Variants in ACOX3 observed in about 807,000 individuals in gnomAD.
The protein encoded by ACOX3 is peroxisomal acyl-coenzyme A oxidase 3.
Under a neutral mutation model 81.5 loss-of-function variants are expected in ACOX3, and 73 were observed. That is an observed-to-expected ratio of 0.90 (90% CI 0.74 to 1.09). ACOX3 has a LOEUF of 1.09. Ranked by LOEUF, ACOX3 falls within the 50% of genes least tolerant of loss-of-function variation. The pLI, the probability that ACOX3 is intolerant of heterozygous loss-of-function variation, is 0.00. For missense variants in ACOX3, 947 were observed against 928.0 expected (o/e 1.02, Z -0.27); for synonymous variants, 387 against 375.1 (o/e 1.03, Z -0.37).
At chr4:8,435,357 G>C (rs565413003) in intron 1 of ACOX3, among the ~76,000 whole-genome samples, 5 of 152,214 alleles carry the variant, frequency 3.3e-5, no homozygotes, top group African/African-American at 1.2e-4. Flanking sequence ...TTAGCCAGGC[G>C]TGCTGGCGGG....
In ACOX3 at chr4:8,381,652, A is replaced by G; in HGVS notation, c.1538-45T>C. The G allele has an allele frequency of 6.8e-7, 1 of 1,460,672 alleles. No individual in the cohort carries two copies. 90.5% of individuals were successfully genotyped at this position (1,460,672 alleles called of 1,614,324 possible). ...AGGAGAAAAAGTAACAATAGAGAACACAGCATTTGTCACAACTCACCCCCA... is the reference window on the plus strand; with the variant it reads ...AGGAGAAAAAGTAACAATAGAGAACGCAGCATTTGTCACAACTCACCCCCA... On this transcript the variant is annotated intron_variant, in intron 13 of 17. Coordinates refer to ENST00000356406, the MANE Select transcript of ACOX3 (RefSeq NM_003501.3). The surrounding 1 kb of genome is among the most constrained non-coding windows in gnomAD (Gnocchi z 4.3).
At position 8,400,312 on chromosome 4, in the gene ACOX3, C is replaced by T. The variant is rs1720237469; in HGVS notation, c.777-660G>A. Among the ~76,000 whole-genome samples the T allele has an allele frequency of 2.0e-5, 3 of 151,862 alleles. No individual in the cohort carries two copies. The highest frequency in any genetic ancestry group is 6.6e-5 in the Admixed American group (1 of 15,240). ...AGCATTGTGTATATGGTAAGTTGTA[C>T]TCCAAGTACAGAACTCCAGATATTC... On this transcript the variant is annotated intron_variant, in intron 7 of 17. Transcript: ENST00000356406. This position sits in a 1 kb window ranked among gnomAD's most constrained non-coding sequence, Gnocchi z 4.4.
intron 16 of ACOX3, among the ~76,000 whole-genome samples, chr4:8,372,012 C>T (rs771603559): frequency 6.6e-6 from 1 of 152,230 alleles, no homozygotes; most frequent in Non-Finnish European, 1.5e-5. Flanking sequence ...ACCTTGGCCT[C>T]CCCAAGACAG....
At chr4:8,403,974 G>C (rs1720648334) in intron 7 of ACOX3, among the ~76,000 whole-genome samples, 1 of 152,212 alleles carries the variant, frequency 6.6e-6, no homozygotes, top group South Asian at 2.1e-4. Flanking sequence ...CAGTAGATGG[G>C]TAACAGTGCC....
intron 1 of ACOX3, among the ~76,000 whole-genome samples, chr4:8,421,140 G>A (rs761585011): frequency 7.9e-5 from 12 of 152,214 alleles, no homozygotes; most frequent in Non-Finnish European, 1.5e-4. Context: ...TGCTGGGCTC[G>A]TATGGGGATT....
At chr4:8,427,042 A>C (rs959941962) in intron 1 of ACOX3, among the ~76,000 whole-genome samples, 1 of 152,172 alleles carries the variant, frequency 6.6e-6, no homozygotes, top group Non-Finnish European at 1.5e-5. Flanking sequence ...GACTAGCTGG[A>C]CTTCCTAGGC....
Position 8,394,603 on chromosome 4 carries a change from A to G in ACOX3, c.1179+17T>C. ...GAGATTTAAACGATGCTGCTGAGGA[A>G]GCAGACACCACCTCACCTGTCTGGC... On this transcript the variant is annotated intron_variant, in intron 10 of 17. Transcript: ENST00000356406. This position sits in a 1 kb window ranked among gnomAD's most constrained non-coding sequence, Gnocchi z 5.9. The G allele has an allele frequency of 1.2e-6, 2 of 1,611,470 alleles. No individual in the cohort carries two copies. Among genetic ancestry groups the G allele is most frequent in the Non-Finnish European group, 1.7e-6 (2 of 1,178,566 alleles).
chr4:8,382,732 C>T lies in ACOX3; in HGVS notation c.1538-1125G>A, dbSNP rs151104465. Among the ~76,000 whole-genome samples the T allele has an allele frequency of 3.8e-3, 579 of 152,324 alleles. 5 individuals are homozygous for T. Among genetic ancestry groups the T allele is most frequent in the Middle Eastern group, 0.017 (5 of 294 alleles). Reference sequence around the variant, plus strand: ...ACGTTGCTGGGCGCAGTGGCTCACACCTGTAATCCCAGCACTTTGGGAGGC... The same window carrying T: ...ACGTTGCTGGGCGCAGTGGCTCACATCTGTAATCCCAGCACTTTGGGAGGC... On this transcript the variant is annotated intron_variant, in intron 13 of 17. Coordinates refer to ENST00000356406, the MANE Select transcript of ACOX3 (RefSeq NM_003501.3). This position sits in a 1 kb window ranked among gnomAD's most constrained non-coding sequence, Gnocchi z 4.1.
chr4:8,408,914 G>GGT (rs1721365488), intron 6 of ACOX3, among the ~76,000 whole-genome samples: 2 of 84,478 alleles, frequency 2.4e-5, no homozygotes, highest in African/African-American at 9.2e-5. Context: ...TGGGGGGGGG[G>GGT]TGGGGGCGGT....
intron 1 of ACOX3, among the ~76,000 whole-genome samples, chr4:8,434,048 AAATAAT>A (rs57635365): frequency 4.0e-5 from 6 of 151,554 alleles, no homozygotes; most frequent in African/African-American, 7.3e-5. Flanking sequence ...CTAGGAGTTA[AAATAAT>A]AATAATAATA....
chr4:8,405,035 C>G lies in ACOX3; in HGVS notation c.776+920G>C, dbSNP rs1001381988. Among the ~76,000 whole-genome samples the G allele has an allele frequency of 2.0e-5, 3 of 152,110 alleles. No individual in the cohort carries two copies. The highest frequency in any genetic ancestry group is 4.4e-5 in the Non-Finnish European group (3 of 68,006). ...CCTGCTCAGGCAGGGCCTGGCAGGGCCCTGGCACAGGGACCTCTCTTGTCA... is the reference window on the plus strand; with the variant it reads ...CCTGCTCAGGCAGGGCCTGGCAGGGGCCTGGCACAGGGACCTCTCTTGTCA... On this transcript the variant is annotated intron_variant, in intron 7 of 17. Coordinates refer to ENST00000356406, the MANE Select transcript of ACOX3 (RefSeq NM_003501.3). The surrounding 1 kb of genome is among the most constrained non-coding windows in gnomAD (Gnocchi z 7.1).
rs1053612277 is a variant in ACOX3, at chr4:8,432,485, G to A, written c.-15+8163C>T. On this transcript the variant is annotated intron_variant, in intron 1 of 17. Coordinates refer to ENST00000356406, the MANE Select transcript of ACOX3 (RefSeq NM_003501.3). The surrounding 1 kb of genome is among the most constrained non-coding windows in gnomAD (Gnocchi z 6.2). ...CCTGACCTTGTGATCCACCCACCTC[G>A]GCCTCCCAATGTGCTGGGATTACAG... 5.3e-5 allele frequency among the ~76,000 whole-genome samples: 8 copies of A among 151,582 alleles called. No homozygotes were observed. Among genetic ancestry groups the A allele is most frequent in the African/African-American group, 1.5e-4 (6 of 41,292 alleles).
At chr4:8,434,147 C>A (rs562334492) in intron 1 of ACOX3, among the ~76,000 whole-genome samples, 1 of 152,308 alleles carries the variant, frequency 6.6e-6, no homozygotes, top group East Asian at 1.9e-4. Context: ...GCAAAACTTT[C>A]TGTTCTGTTA....
intron 15 of ACOX3, chr4:8,374,755 C>A: frequency 2.2e-6 from 1 of 462,588 alleles, no homozygotes. Context: ...CTGAACCGAA[C>A]CCCAAGTGAA....
intron 10 of ACOX3, among the ~76,000 whole-genome samples, chr4:8,393,551 T>C (rs1005444695): frequency 6.7e-6 from 1 of 148,156 alleles, no homozygotes; most frequent in Non-Finnish European, 1.5e-5. Flanking sequence ...AAAAGAAGAA[T>C]TTTTAATTTT....
rs1722714168 is a variant in ACOX3 at position 8,419,559 on chromosome 4, C to T, written c.-14-3024G>A. 6.6e-6 allele frequency among the ~76,000 whole-genome samples: 1 copy of T among 152,158 alleles called. No individual in the cohort carries two copies. Among genetic ancestry groups the T allele is most frequent in the South Asian group, 2.1e-4 (1 of 4,826 alleles). Reference sequence around the variant, plus strand: ...AAAGTGACCCAGCCATTCTGGAGAACAGTGTGGCAGTTCCACAAGTGATTA... The same window carrying T: ...AAAGTGACCCAGCCATTCTGGAGAATAGTGTGGCAGTTCCACAAGTGATTA... On this transcript the variant is annotated intron_variant, in intron 1 of 17. Transcript: ENST00000356406. The surrounding 1 kb of genome is among the most constrained non-coding windows in gnomAD (Gnocchi z 4.2).
chr4:8,436,615 T>C (rs1478162822), intron 1 of ACOX3, among the ~76,000 whole-genome samples: 2 of 151,994 alleles, frequency 1.3e-5, no homozygotes, highest in African/African-American at 4.8e-5. Context: ...TAAAAAAGAT[T>C]TCAGAAGTGC....
chr4:8,436,036 C>G (rs754474485), intron 1 of ACOX3: 2 of 152,100 alleles, frequency 1.3e-5, no homozygotes, highest in Non-Finnish European at 2.9e-5. Context: ...CAGGGAGACA[C>G]GAGGACCTGT....
Position 8,405,382 on chromosome 4 carries a change from C to A in ACOX3, c.776+573G>T, listed in dbSNP as rs920638715. Among the ~76,000 whole-genome samples, 1 of 152,240 alleles carries A rather than the reference C, an allele frequency of 6.6e-6. No homozygotes were observed. Among genetic ancestry groups the A allele is most frequent in the African/African-American group, 2.4e-5 (1 of 41,466 alleles). ...AGTCTTTCTAGGCCCCTCCCCTCTG[C>A]ACGCCCCATCCAACCCTTCAGCCAG... On this transcript the variant is annotated intron_variant, in intron 7 of 17. Coordinates refer to ENST00000356406, the MANE Select transcript of ACOX3 (RefSeq NM_003501.3). The surrounding 1 kb of genome is among the most constrained non-coding windows in gnomAD (Gnocchi z 7.1).
Sources: gnomAD v4.1 joint callset for allele counts (sites outside exome capture counted in the v4.1 genomes callset) on GRCh38, gnomAD v4.1.1 for gene constraint, Gnocchi (gnomAD v3.1) non-coding constraint, MANE v1.5 for transcripts, NCBI Gene and HGNC (gene_info 2026-07-23, HGNC 2026-07-21) for gene names.